UBE3C: variants seen among roughly 807,000 people sequenced by gnomAD.
UBE3C encodes ubiquitin-protein ligase E3C.
A neutral mutation model predicts 129.4 loss-of-function variants in UBE3C; 42 were observed. The observed-to-expected ratio is 0.32, with a 90% CI of 0.25 to 0.42. The LOEUF is 0.42. UBE3C is among the 10% of genes least tolerant of loss of function. The probability of loss-of-function intolerance (pLI) is 1.00; values close to 1 mark genes in which losing one functional copy is unlikely to be tolerated. For synonymous variants in UBE3C, 510 were observed against 492.4 expected (o/e 1.04, Z -0.47); for missense variants, 1,049 against 1,319.1 (o/e 0.80, Z 3.17).
At chr7:157,144,273 G>C (rs1345552825) in intron 1 of UBE3C, among the ~76,000 whole-genome samples, 1 of 152,188 alleles carries the variant, frequency 6.6e-6, no homozygotes, top group Non-Finnish European at 1.5e-5. Context: ...TCCAGCCTAG[G>C]CGACACAGCA....
chr7:157,187,559 T>TTG (rs371191013), intron 10 of UBE3C, among the ~76,000 whole-genome samples: 81 of 150,868 alleles, frequency 5.4e-4, no homozygotes, highest in African/African-American at 1.3e-3. Context: ...TTTTTTGTTT[T>TTG]TGTGTGTGTG....
Position 157,186,904 on chromosome 7 carries a change from C to A in UBE3C, c.1214C>A (p.Thr405Asn). 6.2e-7 allele frequency: 1 copy of A among 1,614,146 alleles called. No individual in the cohort carries two copies. The highest frequency in any genetic ancestry group is 8.5e-7 in the Non-Finnish European group (1 of 1,180,030). Reference sequence around the variant, plus strand: ...AAGAAGCTGGACACAAAGCAGCAGACCAACACCCTGCTCAACCTGGTGTGG... The same window carrying A: ...AAGAAGCTGGACACAAAGCAGCAGAACAACACCCTGCTCAACCTGGTGTGG... The part of the protein sequence containing the change: ...CLKKLDTKQQ[T>N]NTLLNLVWRD... Residue 405 changes from threonine (T) to asparagine (N), a missense_variant, in exon 10 of 23, where the codon ACC becomes AAC. Coordinates refer to ENST00000348165, the MANE Select transcript of UBE3C (RefSeq NM_014671.3).
intron 4 of UBE3C, among the ~76,000 whole-genome samples, chr7:157,172,994 G>A (rs546364078): frequency 3.3e-5 from 5 of 152,274 alleles, no homozygotes; most frequent in South Asian, 2.1e-4. Flanking sequence ...TTTCGGCCTC[G>A]AGCAAATATC....
intron 21 of UBE3C, chr7:157,256,588 T>C (rs935230318): frequency 2.7e-5 from 5 of 183,706 alleles, no homozygotes; most frequent in Admixed American, 2.4e-4. Flanking sequence ...CTGTGGGTTC[T>C]GTCCACATCC....
chr7:157,242,527 T>TTTG (rs745465142), intron 18 of UBE3C, among the ~76,000 whole-genome samples: 8 of 143,056 alleles, frequency 5.6e-5, no homozygotes, highest in African/African-American at 2.7e-5. Flanking sequence ...TTTTTTTTTT[T>TTTG]TTTTTTTTTT....
rs570446041 is a variant in UBE3C, at chr7:157,221,752, T to C, written c.2002+976T>C. On this transcript the variant is annotated intron_variant, in intron 15 of 22. Coordinates refer to ENST00000348165, the MANE Select transcript of UBE3C (RefSeq NM_014671.3). ...ATAAGACTGTCTAAAAAAAAAAAAT[T>C]TGGCCATTGTAAAAGGTGGGAAATG... 2.6e-5 allele frequency: 4 copies of C among 152,162 alleles called. No homozygotes were observed. The South Asian group carries it at 6.2e-4, about 24-fold the overall frequency. The allele number at this position is 152,162 out of a possible 1,614,324, so 9.4% of individuals were successfully genotyped here. A position where few individuals can be genotyped will look rare whatever the true frequency, so the allele number is the denominator to read the frequency against.
chr7:157,234,476 G>A (rs28667423), intron 18 of UBE3C, among the ~76,000 whole-genome samples: 28,215 of 152,196 alleles, frequency 0.19, 2,798 homozygotes, highest in East Asian at 0.36. Context: ...GCAGTATGGG[G>A]TGTGTGGATT....
At chr7:157,243,882 T>C (rs1180512037) in intron 18 of UBE3C, among the ~76,000 whole-genome samples, 1 of 152,214 alleles carries the variant, frequency 6.6e-6, no homozygotes, top group Non-Finnish European at 1.5e-5. Context: ...TGGCACTTAA[T>C]AAATGTTTGT....
At chr7:157,249,509 C>T (rs1348814347) in intron 19 of UBE3C, among the ~76,000 whole-genome samples, 1 of 152,152 alleles carries the variant, frequency 6.6e-6, no homozygotes, top group Non-Finnish European at 1.5e-5. Flanking sequence ...GATGGGGTTT[C>T]TCCATGTTGG....
At chr7:157,185,725 T>C (rs936876666) in intron 9 of UBE3C, among the ~76,000 whole-genome samples, 3 of 152,224 alleles carry the variant, frequency 2.0e-5, no homozygotes, top group Non-Finnish European at 4.4e-5. Context: ...TTACAGCTTA[T>C]GTACAATTTA....
intron 10 of UBE3C, among the ~76,000 whole-genome samples, chr7:157,187,360 A>G (rs1410429033): frequency 6.7e-6 from 1 of 150,080 alleles, no homozygotes; most frequent in Non-Finnish European, 1.5e-5. Flanking sequence ...GGCTTTTTTC[A>G]TAGTACTCGT....
intron 4 of UBE3C, among the ~76,000 whole-genome samples, chr7:157,173,812 G>GA (rs1347407561): frequency 6.6e-6 from 1 of 152,186 alleles, no homozygotes; most frequent in Non-Finnish European, 1.5e-5. Flanking sequence ...TCATTCCTGA[G>GA]AAAATGTGGG....
chr7:157,139,246 T>G lies in UBE3C; in HGVS notation c.-27T>G. The G allele has an allele frequency of 1.3e-6, 2 of 1,485,332 alleles. No homozygotes were observed. Among genetic ancestry groups the G allele is most frequent in the Non-Finnish European group, 1.8e-6 (2 of 1,117,330 alleles). The allele number at this position is 1,485,332 out of a possible 1,614,324, so 92.0% of individuals were successfully genotyped here. The stretch of plus-strand genomic sequence containing the variant: ...CGCCCGGCTGCTTCCGCGGCGGCGC[T>G]GCCCGCACATGGGCTAGGCTGCCAG... On this transcript the variant is annotated 5_prime_UTR_variant, in exon 1 of 23. Transcript: ENST00000348165.
intron 1 of UBE3C, among the ~76,000 whole-genome samples, chr7:157,147,382 G>C (rs893256953): frequency 6.6e-6 from 1 of 152,166 alleles, no homozygotes; most frequent in African/African-American, 2.4e-5. Flanking sequence ...CTTATGTCCT[G>C]AAATCTTGCT....
chr7:157,171,010 C>CT (rs535627815), intron 4 of UBE3C, among the ~76,000 whole-genome samples: 181 of 151,800 alleles, frequency 1.2e-3, no homozygotes, highest in African/African-American at 4.3e-3. Context: ...TGAGGTCTTG[C>CT]TATGTTGCCC....
intron 4 of UBE3C, among the ~76,000 whole-genome samples, chr7:157,170,851 A>G (rs1808348630): frequency 6.6e-6 from 1 of 152,080 alleles, no homozygotes; most frequent in South Asian, 2.1e-4. Flanking sequence ...TTTACATTTT[A>G]TTATTATTAT....
chr7:157,230,197 A>G (rs1176487535), intron 17 of UBE3C, among the ~76,000 whole-genome samples: 3 of 152,022 alleles, frequency 2.0e-5, no homozygotes, highest in African/African-American at 4.8e-5. Context: ...GACATGAGCC[A>G]CTGCACCTGG....
chr7:157,161,457 T>TA (rs1367779422), intron 1 of UBE3C, among the ~76,000 whole-genome samples: 2 of 148,590 alleles, frequency 1.3e-5, no homozygotes, highest in East Asian at 3.9e-4. Context: ...GATTTTACTT[T>TA]TTTTTTTTTT....
At chr7:157,200,003 A>G (rs1044261685) in intron 10 of UBE3C, among the ~76,000 whole-genome samples, 1 of 152,140 alleles carries the variant, frequency 6.6e-6, no homozygotes, top group Non-Finnish European at 1.5e-5. Context: ...GTGTGCCCCC[A>G]CTTTGTCATG....
Sources: allele counts gnomAD v4.1 joint callset (sites outside exome capture counted in the v4.1 genomes callset), GRCh38; gene constraint gnomAD v4.1.1; transcripts MANE v1.5; gene names NCBI Gene and HGNC (gene_info 2026-07-23, HGNC 2026-07-21).